The following CACNA2D3 variants were observed in gnomAD, a reference collection of about 807,000 sequenced individuals.
The protein encoded by CACNA2D3 is calcium voltage-gated channel auxiliary subunit alpha2delta 3, also known as voltage-dependent calcium channel subunit alpha-2/delta-3.
CACNA2D3 carries 60 observed loss-of-function variants against 160.6 expected under a neutral mutation model. The ratio of observed to expected loss-of-function variants is 0.37; its 90% CI spans 0.30 to 0.46. The LOEUF (loss-of-function observed/expected upper bound fraction) is 0.46, where lower values mean the gene tolerates loss of function less well. Among genes scored for constraint, CACNA2D3 ranks in the 20% least tolerant of loss-of-function variants. The pLI, the probability that CACNA2D3 is intolerant of heterozygous loss-of-function variation, is 1.00. For synonymous variants in CACNA2D3, 558 were observed against 492.9 expected, an observed-to-expected ratio of 1.13 and a Z score of -1.75; for missense variants, 1,205 against 1,365.0, an observed-to-expected ratio of 0.88 and a Z score of 1.85.
At chr3:55,007,388 G>GAATC (rs917779185) in intron 32 of CACNA2D3, among the ~76,000 whole-genome samples, 1 of 152,144 alleles carries the variant, frequency 6.6e-6, no homozygotes, top group African/African-American at 2.4e-5. Flanking sequence ...GGAGAACAGG[G>GAATC]AATCACCTTT....
intron 27 of CACNA2D3, among the ~76,000 whole-genome samples, chr3:54,921,513 A>G (rs1700850228): frequency 1.3e-5 from 2 of 152,238 alleles, no homozygotes; most frequent in Non-Finnish European, 2.9e-5. Context: ...TATTCACCAA[A>G]GCACATCTTT....
At chr3:54,482,736 C>G (rs993214952) in intron 4 of CACNA2D3, among the ~76,000 whole-genome samples, 4 of 152,166 alleles carry the variant, frequency 2.6e-5, no homozygotes, top group African/African-American at 7.2e-5. Flanking sequence ...GCTCTCCAGG[C>G]AGTTCCTTTC....
At position 54,280,753 on chromosome 3, in the gene CACNA2D3, C is replaced by T. The variant is rs79038082; in HGVS notation, c.205-39689C>T. Reference sequence around the variant, plus strand: ...CCTTTGAGCCTTTGCTTTGCTGTTCCCTCTGCATCATTCATTCCCTCTCGC... The same window carrying T: ...CCTTTGAGCCTTTGCTTTGCTGTTCTCTCTGCATCATTCATTCCCTCTCGC... On this transcript the variant is annotated intron_variant, in intron 2 of 37. Coordinates refer to ENST00000474759, the MANE Select transcript of CACNA2D3 (RefSeq NM_018398.3). Among the ~76,000 whole-genome samples, 1,498 of 152,196 alleles carry T rather than the reference C, an allele frequency of 9.8e-3. 31 individuals are homozygous for T. Among genetic ancestry groups the T allele is most frequent in the African/African-American group, 0.034 (1,431 of 41,510 alleles).
At chr3:54,957,973 A>G (rs140681140) in intron 27 of CACNA2D3, among the ~76,000 whole-genome samples, 1 of 152,268 alleles carries the variant, frequency 6.6e-6, no homozygotes, top group East Asian at 1.9e-4. Flanking sequence ...GCAGAGGTAG[A>G]TGTCTGGAGA....
intron 13 of CACNA2D3, among the ~76,000 whole-genome samples, chr3:54,796,805 A>G (rs1023121826): frequency 6.6e-6 from 1 of 152,190 alleles, no homozygotes; most frequent in Non-Finnish European, 1.5e-5. Flanking sequence ...TTTATTTAAT[A>G]GCTTATTACG....
At chr3:54,386,668 A>G in intron 3 of CACNA2D3, 47 bp from the exon 4 acceptor site, 3 of 1,515,844 alleles carry the variant, frequency 2.0e-6, no homozygotes, top group Non-Finnish European at 1.8e-6. Context: ...TTCAGGCCAC[A>G]ATTCTGATCC....
intron 2 of CACNA2D3, among the ~76,000 whole-genome samples, chr3:54,309,959 C>T (rs75339252): frequency 0.017 from 2,569 of 151,928 alleles, 71 homozygotes; most frequent in African/African-American, 0.057. Flanking sequence ...ATGTCCTCTT[C>T]TCTCTCTTCA....
At chr3:54,345,415 G>T (rs1698438520) in intron 3 of CACNA2D3, among the ~76,000 whole-genome samples, 1 of 151,936 alleles carries the variant, frequency 6.6e-6, no homozygotes, top group African/African-American at 2.4e-5. Flanking sequence ...TTTTAAAGCA[G>T]GCTTTTAAAC....
intron 5 of CACNA2D3, among the ~76,000 whole-genome samples, chr3:54,518,479 G>A (rs1575499907): frequency 6.6e-6 from 1 of 152,190 alleles, no homozygotes; most frequent in African/African-American, 2.4e-5. Flanking sequence ...CAGAGTCCTG[G>A]CGTCTTCTTC....
At position 54,752,690 on chromosome 3, in the gene CACNA2D3, A is replaced by G; in HGVS notation, c.1246+13A>G. On this transcript the variant is annotated intron_variant, in intron 12 of 37. Transcript: ENST00000474759. ...TGTGCCAACAAAGGTGGGTCTTCGC[A>G]TTGTGCTCGGCTCTGAATAACTTCC... is the stretch of plus-strand genomic sequence containing the variant. 1 of 1,599,640 alleles carries G rather than the reference A, an allele frequency of 6.3e-7. No individual in the cohort carries two copies. The highest frequency in any genetic ancestry group is 8.6e-7 in the Non-Finnish European group (1 of 1,168,758).
intron 4 of CACNA2D3, among the ~76,000 whole-genome samples, chr3:54,397,510 T>C (rs1332103651): frequency 1.4e-5 from 2 of 138,328 alleles, no homozygotes; most frequent in Non-Finnish European, 3.1e-5. Flanking sequence ...GATTCTGGTA[T>C]GTGGTGTCTT....
chr3:54,728,982 G>GA (rs1384932691), intron 11 of CACNA2D3, among the ~76,000 whole-genome samples: 1 of 152,164 alleles, frequency 6.6e-6, no homozygotes, highest in African/African-American at 2.4e-5. Context: ...GGGAGAAATT[G>GA]TCTGCAGAAC....
intron 11 of CACNA2D3, among the ~76,000 whole-genome samples, chr3:54,644,442 C>T (rs1439774659): frequency 6.6e-6 from 1 of 152,156 alleles, no homozygotes; most frequent in East Asian, 1.9e-4. Context: ...TTATGAACTT[C>T]CATGTGAAGG....
intron 13 of CACNA2D3, among the ~76,000 whole-genome samples, chr3:54,790,719 T>G (rs1454003290): frequency 2.0e-5 from 3 of 152,124 alleles, no homozygotes; most frequent in Non-Finnish European, 4.4e-5. Context: ...TCATTGTCAC[T>G]CGCACCTCTG....
intron 35 of CACNA2D3, among the ~76,000 whole-genome samples, chr3:55,068,412 T>G (rs1240133455): frequency 1.3e-5 from 2 of 152,236 alleles, no homozygotes; most frequent in East Asian, 3.8e-4. Flanking sequence ...GTTCTTCCTT[T>G]ACTATTTCTG....
intron 2 of CACNA2D3, among the ~76,000 whole-genome samples, chr3:54,150,641 T>G (rs1385368224): frequency 6.6e-6 from 1 of 152,254 alleles, no homozygotes; most frequent in Non-Finnish European, 1.5e-5. Flanking sequence ...TACTACAATT[T>G]AATTCCTTTA....
intron 2 of CACNA2D3, among the ~76,000 whole-genome samples, chr3:54,312,005 C>T (rs1023431309): frequency 1.3e-5 from 2 of 152,112 alleles, no homozygotes; most frequent in Non-Finnish European, 1.5e-5. Context: ...TTCTTTCACT[C>T]TTACATAAAC....
At chr3:54,156,763 T>C (rs1360912664) in intron 2 of CACNA2D3, among the ~76,000 whole-genome samples, 1 of 152,212 alleles carries the variant, frequency 6.6e-6, no homozygotes, top group Non-Finnish European at 1.5e-5. Flanking sequence ...GGAGCCACTT[T>C]GGAAGTGGAT....
In CACNA2D3 at chr3:54,714,347, C is replaced by T. The variant is rs367758322; in HGVS notation, c.1168-38252C>T. Among the ~76,000 whole-genome samples the T allele has an allele frequency of 9.2e-5, 14 of 152,216 alleles. No individual in the cohort carries two copies. In the South Asian group the frequency reaches 2.7e-3, roughly 29 times the overall value. On this transcript the variant is annotated intron_variant, in intron 11 of 37. Transcript: ENST00000474759. ...CTTTCATTTATGGAGCACGTTGTACCTCTGGGATGGAGGGCGAGTGCTCTG... is the reference window on the plus strand; with the variant it reads ...CTTTCATTTATGGAGCACGTTGTACTTCTGGGATGGAGGGCGAGTGCTCTG...
Sources: allele counts gnomAD v4.1 joint callset (sites outside exome capture counted in the v4.1 genomes callset), GRCh38; gene constraint gnomAD v4.1.1; transcripts MANE v1.5; gene names NCBI Gene and HGNC (gene_info 2026-07-23, HGNC 2026-07-21).